ANK3: variants seen among roughly 807,000 people sequenced by gnomAD.
ANK3 encodes the protein ankyrin 3, also known as ankyrin-3.
In ANK3, 57 loss-of-function variants were observed where a neutral mutation model predicts 370.9. The ratio of observed to expected loss-of-function variants is 0.15; its 90% confidence interval spans 0.12 to 0.19. The LOEUF is 0.19. Among genes scored for constraint, ANK3 ranks in the 10% least tolerant of loss-of-function variants. ANK3 has a pLI of 1.00. For synonymous variants in ANK3, 1,929 were observed against 1,946.3 expected (o/e 0.99, Z 0.23); for missense variants, 4,439 against 5,302.1 (o/e 0.84, Z 5.06).
chr10:60,698,136 A>T (rs1315352805), intron 1 of ANK3, among the ~76,000 whole-genome samples: 2 of 151,988 alleles, frequency 1.3e-5, no homozygotes, highest in African/African-American at 4.8e-5. Flanking sequence ...ATGCAGCCAA[A>T]AAAAACATGA....
At chr10:60,059,550 G>T in intron 40 of ANK3, 120 bp from the exon 41 acceptor site, 2 of 1,228,118 alleles carry the variant, frequency 1.6e-6, no homozygotes, top group Non-Finnish European at 2.4e-6. Flanking sequence ...CTCAAATAGA[G>T]ATTTGAGTTT....
intron 1 of ANK3, among the ~76,000 whole-genome samples, chr10:60,674,155 T>C (rs867677300): frequency 6.6e-6 from 1 of 152,218 alleles, no homozygotes; most frequent in Non-Finnish European, 1.5e-5. Context: ...TTCATTCCAA[T>C]AATTTTTTTT....
Position 60,075,215 on chromosome 10 carries a change from A to G in ANK3, c.5666T>C (p.Leu1889Ser). The G allele has an allele frequency of 6.2e-7, 1 of 1,614,130 alleles. No homozygotes were observed. ...SLFLAPSALKLSTPSSLSSSQ... is the reference protein window; with the variant it reads ...SLFLAPSALKSSTPSSLSSSQ... ...GGAAGATAAAGAAGATGGTGTAGAC[A>G]ACTTAAGGGCAGAGGGTGCAAGGAA... Residue 1889 changes from leucine (L) to serine (S), a missense_variant, in exon 37 of 44, where the codon TTG becomes TCG. This residue lies in a region of ANK3 where 679 missense variants were observed against 791.0 expected (regional missense o/e 0.86). Coordinates refer to ENST00000280772, the MANE Select transcript of ANK3 (RefSeq NM_020987.5).
chr10:60,278,757 T>C lies in ANK3; in HGVS notation c.414+17A>G. The C allele has an allele frequency of 1.3e-6, 2 of 1,593,644 alleles. No homozygotes were observed. Among genetic ancestry groups the C allele is most frequent in the Non-Finnish European group, 1.7e-6 (2 of 1,161,588 alleles). On this transcript the variant is annotated intron_variant, in intron 4 of 43. Coordinates refer to ENST00000280772, the MANE Select transcript of ANK3 (RefSeq NM_020987.5). ...AAATGATAACAAAATGTCTGTGGCA[T>C]GGAGTTGTAGGCTTACCTGAGATTG...
At chr10:60,585,245 C>A (rs1423357415) in intron 2 of ANK3, among the ~76,000 whole-genome samples, 1 of 152,120 alleles carries the variant, frequency 6.6e-6, no homozygotes, top group Non-Finnish European at 1.5e-5. Context: ...ACTTGGTAAA[C>A]CTGGCCTGCA....
chr10:60,115,229 G>A (rs1009792132), intron 25 of ANK3, among the ~76,000 whole-genome samples: 3 of 152,204 alleles, frequency 2.0e-5, no homozygotes, highest in African/African-American at 7.2e-5. Context: ...GGTGTGCTGG[G>A]GGGAAACCAG....
At chr10:60,175,128 T>C in intron 18 of ANK3, among the ~76,000 whole-genome samples, 1 of 152,178 alleles carries the variant, frequency 6.6e-6, no homozygotes, top group East Asian at 1.9e-4. Context: ...AATTCTAGTC[T>C]CCCCTATCCT....
intron 25 of ANK3, among the ~76,000 whole-genome samples, chr10:60,125,612 T>G (rs1234207409): frequency 6.6e-6 from 1 of 152,170 alleles, no homozygotes; most frequent in Non-Finnish European, 1.5e-5. Context: ...TGCACGTTTC[T>G]GAGCACCCCC....
rs149078894 is a variant in ANK3, at chr10:60,069,782, C to T, written c.11099G>A (p.Gly3700Asp). The change falls in exon 37 of 44, where the codon GGC becomes GAC. Residue 3700 changes from glycine to aspartate, a missense_variant. Around this residue, in one of 13 missense-constraint regions of ANK3, gnomAD observed 496 missense variants for 529.3 expected, o/e 0.94. Coordinates refer to ENST00000280772, the MANE Select transcript of ANK3 (RefSeq NM_020987.5). ...GGCTGCTGCTGATTTCTCCAGGGAG[C>T]CACTACTGGATGTGCCTTCCTGACA... Reference protein sequence around the residue: ...GECQEGTSSSGSLEKSAAATN... With the variant: ...GECQEGTSSSDSLEKSAAATN... The T allele has an allele frequency of 5.6e-6, 9 of 1,613,870 alleles. No homozygotes were observed. The African/African-American group carries it at 9.3e-5, about 17-fold the overall frequency.
intron 5 of ANK3, among the ~76,000 whole-genome samples, chr10:60,267,036 T>C (rs1373267149): frequency 1.3e-5 from 2 of 152,176 alleles, no homozygotes; most frequent in Admixed American, 6.5e-5. Flanking sequence ...AAAAACGTTT[T>C]AAAAACCACA....
chr10:60,654,950 C>T (rs1243057520), intron 1 of ANK3, among the ~76,000 whole-genome samples: 1 of 152,044 alleles, frequency 6.6e-6, no homozygotes, highest in African/African-American at 2.4e-5. Flanking sequence ...TTTAAGGGAG[C>T]TGAAAAACTC....
At chr10:60,356,797 C>G (rs1429598880) in intron 1 of ANK3, among the ~76,000 whole-genome samples, 1 of 152,192 alleles carries the variant, frequency 6.6e-6, no homozygotes, top group Non-Finnish European at 1.5e-5. Flanking sequence ...TAACCTCTGC[C>G]TCCTGGGTTT....
intron 18 of ANK3, among the ~76,000 whole-genome samples, chr10:60,178,629 G>C (rs1224165052): frequency 6.6e-6 from 1 of 151,098 alleles, no homozygotes; most frequent in Admixed American, 6.6e-5. Flanking sequence ...TAAGAATTTG[G>C]TGACCAGCAG....
intron 2 of ANK3, among the ~76,000 whole-genome samples, chr10:60,402,824 G>T (rs7087726): frequency 1.3e-5 from 2 of 152,160 alleles, no homozygotes; most frequent in Non-Finnish European, 2.9e-5. Context: ...AACCAAAGAC[G>T]CTATTTGTGG....
intron 1 of ANK3, among the ~76,000 whole-genome samples, chr10:60,321,395 AAGAGAAG>A (rs1358343988): frequency 1.8e-3 from 102 of 57,300 alleles, no homozygotes; most frequent in African/African-American, 4.8e-3. Flanking sequence ...AAGAAAAGAG[AAGAGAAG>A]AAAAGAAAAG....
At chr10:60,331,801 C>T (rs993893516) in intron 1 of ANK3, among the ~76,000 whole-genome samples, 2 of 152,042 alleles carry the variant, frequency 1.3e-5, no homozygotes, top group African/African-American at 4.8e-5. Flanking sequence ...TAAACTAACA[C>T]CTATTAATTT....
intron 2 of ANK3, among the ~76,000 whole-genome samples, chr10:60,478,838 T>C (rs2133096903): frequency 6.6e-6 from 1 of 152,200 alleles, no homozygotes; most frequent in South Asian, 2.1e-4. Context: ...TCACATAAAA[T>C]AAGGATTGTA....
chr10:60,140,984 G>C (rs143991482), intron 23 of ANK3: 1 of 985,506 alleles, frequency 1.0e-6, no homozygotes, highest in East Asian at 1.1e-4. Context: ...GTGGCATGGA[G>C]CTCCAGGCAA....
chr10:60,572,112 C>T (rs972662937), intron 2 of ANK3, among the ~76,000 whole-genome samples: 4 of 152,152 alleles, frequency 2.6e-5, no homozygotes, highest in African/African-American at 4.8e-5. Flanking sequence ...TAATTATACC[C>T]TGTTGATTAA....
Sources: gnomAD v4.1 joint callset for allele counts (sites outside exome capture counted in the v4.1 genomes callset) on GRCh38, gnomAD v4.1.1 for gene constraint, gnomAD v4.1.1 regional missense constraint, MANE v1.5 for transcripts, NCBI Gene and HGNC (gene_info 2026-07-23, HGNC 2026-07-21) for gene names.